Variants in TRPM2 observed in about 807,000 individuals in gnomAD.
TRPM2 encodes estrogen-responsive element-associated gene 1 protein.
A neutral mutation model predicts 174.0 loss-of-function variants in TRPM2; 161 were observed. The observed-to-expected ratio is 0.93, with a 90% CI of 0.81 to 1.05. TRPM2 has a LOEUF of 1.05. Among genes scored for constraint, TRPM2 ranks in the 50% least tolerant of loss-of-function variants. TRPM2 has a pLI of 0.00. For synonymous variants in TRPM2, 954 were observed against 861.3 expected, an observed-to-expected ratio of 1.11 and a Z score of -1.88; for missense variants, 2,057 against 2,038.0, an observed-to-expected ratio of 1.01 and a Z score of -0.18.
intron 19 of TRPM2, among the ~76,000 whole-genome samples, chr21:44,407,874 T>A (rs11701102): frequency 0.27 from 41,326 of 151,132 alleles, 5,937 homozygotes; most frequent in African/African-American, 0.36. Flanking sequence ...TCCTTTTTTT[T>A]AAAAAAAATT....
At chr21:44,355,790 C>T (rs1376935953) in intron 2 of TRPM2, among the ~76,000 whole-genome samples, 1 of 151,638 alleles carries the variant, frequency 6.6e-6, no homozygotes, top group Non-Finnish European at 1.5e-5. Flanking sequence ...GTACTCGGTA[C>T]ATCATCAGAG....
chr21:44,406,153 C>A, intron 18 of TRPM2, 116 bp downstream of exon 18: 1 of 1,353,034 alleles, frequency 7.4e-7, no homozygotes, highest in South Asian at 1.4e-5. Flanking sequence ...GTAGGTTCCC[C>A]GTCCCTGCTT....
intron 2 of TRPM2, among the ~76,000 whole-genome samples, chr21:44,356,732 C>T (rs150158700): frequency 3.9e-5 from 6 of 152,212 alleles, no homozygotes; most frequent in East Asian, 1.9e-4. Context: ...CATAAGCCAC[C>T]GTGCTTGGCT....
intron 2 of TRPM2, among the ~76,000 whole-genome samples, chr21:44,362,763 G>A (rs1369417419): frequency 6.6e-6 from 1 of 151,916 alleles, no homozygotes; most frequent in Non-Finnish European, 1.5e-5. Flanking sequence ...CAAACTTCCT[G>A]TCTTTTCTGA....
chr21:44,409,624 G>A (rs1161187880), intron 19 of TRPM2, among the ~76,000 whole-genome samples: 8 of 126,420 alleles, frequency 6.3e-5, no homozygotes, highest in Admixed American at 8.4e-5. Flanking sequence ...AGTTTTGACT[G>A]CACTGTCTTG....
At chr21:44,421,083 GC>G (rs1175662847) in intron 22 of TRPM2, among the ~76,000 whole-genome samples, 5 of 152,182 alleles carry the variant, frequency 3.3e-5, no homozygotes, top group Admixed American at 6.5e-5. Flanking sequence ...ACTTTGGGAG[GC>G]CAAGGTGGGT....
At chr21:44,403,264 T>A in intron 16 of TRPM2, among the ~76,000 whole-genome samples, 1 of 152,172 alleles carries the variant, frequency 6.6e-6, no homozygotes, top group East Asian at 1.9e-4. Flanking sequence ...CTGCCCCACC[T>A]GTCCAGCTGC....
chr21:44,416,117 C>A (rs1335394972), intron 20 of TRPM2: 2 of 152,378 alleles, frequency 1.3e-5, no homozygotes, highest in African/African-American at 4.8e-5. Context: ...AGCCCAGTCT[C>A]CCCACGTTGC....
chr21:44,438,985 G>A lies in TRPM2; in HGVS notation c.4168-82G>A, dbSNP rs1037618311. The stretch of plus-strand genomic sequence containing the variant: ...GGGCCGCTGCCCACGCCGGGCAGGA[G>A]GCCAGTGGAGACGGGTGCCAGGGCA... On this transcript the variant is annotated intron_variant, in intron 29 of 31. Coordinates refer to ENST00000397928, the MANE Select transcript of TRPM2 (RefSeq NM_003307.4). This position sits in a 1 kb window ranked among gnomAD's most constrained non-coding sequence, Gnocchi z 5.9. 2.5e-6 allele frequency: 3 copies of A among 1,182,992 alleles called. No homozygotes were observed. In the African/African-American group the frequency reaches 4.5e-5, roughly 18 times the overall value. 73.3% of individuals were successfully genotyped at this position (1,182,992 alleles called of 1,614,324 possible). A position where few individuals can be genotyped will look rare whatever the true frequency, so the allele number is the denominator to read the frequency against.
At chr21:44,365,512 G>A (rs998489719) in intron 3 of TRPM2, among the ~76,000 whole-genome samples, 1 of 152,174 alleles carries the variant, frequency 6.6e-6, no homozygotes, top group Non-Finnish European at 1.5e-5. Flanking sequence ...CCCCTCTGTC[G>A]CTGTGGTCAC....
chr21:44,362,802 C>G (rs2048254507), intron 2 of TRPM2, among the ~76,000 whole-genome samples: 1 of 151,922 alleles, frequency 6.6e-6, no homozygotes, highest in Admixed American at 6.6e-5. Context: ...TTTGAGGAGT[C>G]TCCCACTGTC....
chr21:44,377,435 T>G (rs554363614), intron 6 of TRPM2, among the ~76,000 whole-genome samples: 100 of 152,248 alleles, frequency 6.6e-4, no homozygotes, highest in Non-Finnish European at 1.2e-3. Context: ...GGGGGGCTCT[T>G]GAGTCTGCTC....
chr21:44,405,072 T>G, intron 16 of TRPM2, 70 bp from the exon 17 acceptor site: 1 of 1,596,730 alleles, frequency 6.3e-7, no homozygotes, highest in Non-Finnish European at 8.6e-7. Context: ...TGGATAGTGA[T>G]GTGACAGTGA....
Position 44,395,444 on chromosome 21 carries a change from A to T in TRPM2, c.1825A>T (p.Lys609Ter), listed in dbSNP as rs2049316148. The change falls in exon 12 of 32, where the codon AAG becomes TAG. Residue 609 changes from lysine (K) to a stop codon, truncating the protein, a stop_gained. Transcript: ENST00000397928. LOFTEE classifies it high-confidence loss of function. ...VQGVSLRSLY[K>*]RSSGHVTFTM... The stretch of plus-strand genomic sequence containing the variant: ...GGGAGTGAGCCTCCGGTCCCTCTAC[A>T]AGCGTTCCTCAGGCCATGTGACCTT... 6.2e-7 allele frequency: 1 copy of T among 1,612,788 alleles called. No homozygotes were observed. The highest frequency in any genetic ancestry group is 1.3e-5 in the African/African-American group (1 of 74,910).
Position 44,353,693 on chromosome 21 carries a change from G to A in TRPM2, c.-8G>A, listed in dbSNP as rs1744728817. 3 of 1,488,752 alleles carry A rather than the reference G, an allele frequency of 2.0e-6. No homozygotes were observed. The highest frequency in any genetic ancestry group is 2.7e-6 in the Non-Finnish European group (3 of 1,122,434). The allele number at this position is 1,488,752 out of a possible 1,614,324, so 92.2% of individuals were successfully genotyped here. On this transcript the variant is annotated 5_prime_UTR_variant, in exon 1 of 32. Transcript: ENST00000397928. ...AGGCCTGGTTGCAGCTGGCGTGGGG[G>A]TCTCAGAATGGAGCCCTCAGCCCTG... is the stretch of plus-strand genomic sequence containing the variant.
chr21:44,379,510 C>T (rs1003616475), intron 8 of TRPM2, among the ~76,000 whole-genome samples: 2 of 152,200 alleles, frequency 1.3e-5, no homozygotes, highest in African/African-American at 2.4e-5. Context: ...GGGAGGCAGG[C>T]GCTGGGGAGG....
intron 22 of TRPM2, 47 bp downstream of exon 22, chr21:44,418,602 C>T: frequency 6.2e-7 from 1 of 1,608,082 alleles, no homozygotes; most frequent in Non-Finnish European, 8.5e-7. Flanking sequence ...TCTGGGGGAC[C>T]TCCTGCAGGT....
chr21:44,440,242 C>T (rs1025849213), intron 30 of TRPM2, among the ~76,000 whole-genome samples: 1 of 117,750 alleles, frequency 8.5e-6, no homozygotes, highest in Non-Finnish European at 1.6e-5. Flanking sequence ...GAGGCTGAAG[C>T]AGAAGAATTG....
intron 27 of TRPM2, among the ~76,000 whole-genome samples, chr21:44,430,835 A>G (rs552612125): frequency 6.6e-6 from 1 of 152,034 alleles, no homozygotes; most frequent in African/African-American, 2.4e-5. Context: ...CTGGAAAATT[A>G]TAATTTCATC....
Sources: gnomAD v4.1 joint callset for allele counts (sites outside exome capture counted in the v4.1 genomes callset) on GRCh38, gnomAD v4.1.1 for gene constraint, Gnocchi (gnomAD v3.1) non-coding constraint, MANE v1.5 for transcripts, NCBI Gene and HGNC (gene_info 2026-07-23, HGNC 2026-07-21) for gene names.